Variants in AMPH observed in about 807,000 individuals in gnomAD.
AMPH encodes the protein amphiphysin.
In AMPH, 49 loss-of-function variants were observed where a neutral mutation model predicts 99.1. The ratio of observed to expected loss-of-function variants is 0.49; its 90% CI spans 0.39 to 0.63. The LOEUF is 0.63. Ranked by LOEUF, AMPH falls within the 20% of genes least tolerant of loss-of-function variation. The pLI is 0.00. For synonymous variants in AMPH, 314 were observed against 317.3 expected (o/e 0.99, Z 0.11); for missense variants, 759 against 863.4 (o/e 0.88, Z 1.52).
chr7:38,478,025 T>G (rs1362747436), intron 5 of AMPH, among the ~76,000 whole-genome samples: 1 of 151,818 alleles, frequency 6.6e-6, no homozygotes, highest in African/African-American at 2.4e-5. Context: ...GATATGAGGC[T>G]GACTTTGCCT....
rs1432350869 is a variant in AMPH at position 38,619,167 on chromosome 7, G to A, written c.69+12116C>T. On this transcript the variant is annotated intron_variant, in intron 1 of 20. Coordinates refer to ENST00000356264, the MANE Select transcript of AMPH (RefSeq NM_001635.4). ...TGATCGTGCCTGTACTCCAGCCTGA[G>A]TGACAGAGCAAGACCCTGTCTCTTA... is the stretch of plus-strand genomic sequence containing the variant. Among the ~76,000 whole-genome samples, 3 of 152,150 alleles carry A rather than the reference G, an allele frequency of 2.0e-5. No individual in the cohort carries two copies. In the East Asian group the frequency reaches 5.8e-4, roughly 29 times the overall value.
chr7:38,631,328 G>T lies in AMPH; in HGVS notation c.24C>A (p.Ile8=). ...GTCGCTTCTGGACGTTCTTGGCGAA[G>T]ATGCCCGTCTTGATGTCGGCCATGG... The part of the protein sequence containing the change: MADIKTG[I]FAKNVQKRLN... Residue 8 remains isoleucine, a synonymous_variant, in exon 1 of 21, where the codon ATC becomes ATA. Coordinates refer to ENST00000356264, the MANE Select transcript of AMPH (RefSeq NM_001635.4). 6.4e-7 allele frequency: 1 copy of T among 1,556,068 alleles called. No individual in the cohort carries two copies. The highest frequency in any genetic ancestry group is 2.5e-5 in the East Asian group (1 of 40,370).
chr7:38,551,518 T>A (rs1420855577), intron 1 of AMPH, among the ~76,000 whole-genome samples: 1 of 152,224 alleles, frequency 6.6e-6, no homozygotes, highest in African/African-American at 2.4e-5. Context: ...CAGACTTTGT[T>A]AGCATACAGT....
At chr7:38,534,096 C>G (rs531633839) in intron 2 of AMPH, among the ~76,000 whole-genome samples, 3 of 151,918 alleles carry the variant, frequency 2.0e-5, no homozygotes, top group African/African-American at 7.3e-5. Context: ...CTGAATTACA[C>G]CCCCTGTAAA....
chr7:38,579,524 G>C (rs17498004), intron 1 of AMPH, among the ~76,000 whole-genome samples: 42,830 of 152,116 alleles, frequency 0.28, 6,439 homozygotes, highest in Non-Finnish European at 0.34. Flanking sequence ...CTTCTCCAGA[G>C]CAGTAGCTAC....
intron 2 of AMPH, among the ~76,000 whole-genome samples, chr7:38,512,527 T>G (rs1789577911): frequency 6.6e-6 from 1 of 152,190 alleles, no homozygotes; most frequent in African/African-American, 2.4e-5. Context: ...TGCTGAGGAA[T>G]GGGACTCTAA....
chr7:38,577,468 C>T (rs560956917), intron 1 of AMPH, among the ~76,000 whole-genome samples: 5 of 152,302 alleles, frequency 3.3e-5, no homozygotes, highest in East Asian at 1.9e-4. Flanking sequence ...TATTCCCTTG[C>T]GAGTTTGATT....
At chr7:38,501,710 C>T (rs1789142202) in intron 3 of AMPH, among the ~76,000 whole-genome samples, 1 of 151,538 alleles carries the variant, frequency 6.6e-6, no homozygotes, top group Non-Finnish European at 1.5e-5. Context: ...TATACATCCA[C>T]ATTAAAACTG....
At chr7:38,535,689 G>T (rs1584217863) in intron 1 of AMPH, among the ~76,000 whole-genome samples, 1 of 152,318 alleles carries the variant, frequency 6.6e-6, no homozygotes, top group East Asian at 1.9e-4. Context: ...GGGCTGATGG[G>T]AGACTGTGAC....
At chr7:38,519,169 C>T (rs1789861194) in intron 2 of AMPH, among the ~76,000 whole-genome samples, 1 of 152,230 alleles carries the variant, frequency 6.6e-6, no homozygotes, top group Non-Finnish European at 1.5e-5. Context: ...CTTGGACTTC[C>T]CAGCCTCCAG....
chr7:38,477,036 G>T, intron 5 of AMPH, 67 bp from the exon 6 acceptor site: 1 of 1,414,618 alleles, frequency 7.1e-7, no homozygotes, highest in Non-Finnish European at 1.0e-6. Context: ...TGACAGCCAG[G>T]TGCCAAAATG....
chr7:38,580,931 A>G (rs1278844911), intron 1 of AMPH, among the ~76,000 whole-genome samples: 5 of 152,202 alleles, frequency 3.3e-5, no homozygotes, highest in Non-Finnish European at 5.9e-5. Context: ...CATACTCTGG[A>G]AAAACTTGGA....
intron 2 of AMPH, among the ~76,000 whole-genome samples, chr7:38,513,982 C>T (rs142002942): frequency 1.3e-5 from 2 of 152,192 alleles, no homozygotes; most frequent in African/African-American, 2.4e-5. Flanking sequence ...CTTTGACCCC[C>T]CTTTGCTTCA....
At chr7:38,432,285 G>A (rs1786061351) in intron 12 of AMPH, 73 bp from the exon 13 acceptor site, 1 of 1,377,890 alleles carries the variant, frequency 7.3e-7, no homozygotes, top group South Asian at 1.2e-5. Flanking sequence ...GGTGACAAAA[G>A]TTCTTGAAAT....
chr7:38,392,053 G>A, intron 18 of AMPH, 36 bp from the exon 19 acceptor site: 1 of 1,594,480 alleles, frequency 6.3e-7, no homozygotes, highest in Non-Finnish European at 8.5e-7. Flanking sequence ...GCCCGGCAGG[G>A]CCTGGAAAAC....
chr7:38,551,067 G>A (rs977623022), intron 1 of AMPH, among the ~76,000 whole-genome samples: 3 of 152,094 alleles, frequency 2.0e-5, no homozygotes, highest in African/African-American at 7.2e-5. Context: ...GGATGATCCT[G>A]CCCTTTCATG....
rs1231875873 is a variant in AMPH at position 38,384,681 on chromosome 7, A to G, written c.*137T>C. ...TTACATTTTTTTGCACACATGCTCCATTGATACATCTTCCCAAGGTTTGTC... is the reference window on the plus strand; with the variant it reads ...TTACATTTTTTTGCACACATGCTCCGTTGATACATCTTCCCAAGGTTTGTC... On this transcript the variant is annotated 3_prime_UTR_variant, in exon 21 of 21. Coordinates refer to ENST00000356264, the MANE Select transcript of AMPH (RefSeq NM_001635.4). The G allele has an allele frequency of 2.8e-6, 2 of 719,524 alleles. No individual in the cohort carries two copies. The highest frequency in any genetic ancestry group is 4.7e-6 in the Non-Finnish European group (2 of 426,980). 44.6% of individuals were successfully genotyped at this position (719,524 alleles called of 1,614,324 possible).
chr7:38,504,877 CATTTT>C (rs1789267423), intron 2 of AMPH, among the ~76,000 whole-genome samples: 1 of 152,150 alleles, frequency 6.6e-6, no homozygotes, highest in African/African-American at 2.4e-5. Flanking sequence ...AACATGCATG[CATTTT>C]AATTGCATAG....
intron 2 of AMPH, among the ~76,000 whole-genome samples, chr7:38,525,859 T>C: frequency 6.6e-6 from 1 of 152,170 alleles, no homozygotes; most frequent in Non-Finnish European, 1.5e-5. Flanking sequence ...CTGAAGGACA[T>C]CTGGGGTGTT....
Sources: allele counts gnomAD v4.1 joint callset (sites outside exome capture counted in the v4.1 genomes callset), GRCh38; gene constraint gnomAD v4.1.1; transcripts MANE v1.5; gene names NCBI Gene and HGNC (gene_info 2026-07-23, HGNC 2026-07-21).